Variants in XYLT1 observed in about 807,000 individuals in gnomAD.
The protein encoded by XYLT1 is beta-D-xylosyltransferase 1.
A neutral mutation model predicts 91.3 loss-of-function variants in XYLT1; 36 were observed. The observed-to-expected ratio is 0.39, with a 90% confidence interval of 0.30 to 0.52. The LOEUF (loss-of-function observed/expected upper bound fraction) is 0.52, where lower values mean the gene tolerates loss of function less well. Ranked by LOEUF, XYLT1 falls within the 20% of genes least tolerant of loss-of-function variation. XYLT1 has a pLI of 0.68. For synonymous variants in XYLT1, 588 were observed against 532.0 expected (o/e 1.11, Z -1.45); for missense variants, 1,242 against 1,284.5 (o/e 0.97, Z 0.51).
chr16:17,431,360 T>G (rs977514413), intron 1 of XYLT1, among the ~76,000 whole-genome samples: 1 of 152,134 alleles, frequency 6.6e-6, no homozygotes, highest in Non-Finnish European at 1.5e-5. Flanking sequence ...GGGCTTGAGA[T>G]TCTGCATTCC....
At chr16:17,238,940 T>G (rs2033292522) in intron 3 of XYLT1, among the ~76,000 whole-genome samples, 1 of 152,216 alleles carries the variant, frequency 6.6e-6, no homozygotes, top group African/African-American at 2.4e-5. Flanking sequence ...ATTTTCTAGA[T>G]GCAGTAATTT....
At chr16:17,328,311 C>T (rs575314569) in intron 2 of XYLT1, among the ~76,000 whole-genome samples, 1 of 152,078 alleles carries the variant, frequency 6.6e-6, no homozygotes, top group South Asian at 2.1e-4. Context: ...CTTTGGGAGG[C>T]TGATGTGGGC....
At chr16:17,279,040 T>C (rs886375167) in intron 2 of XYLT1, among the ~76,000 whole-genome samples, 2 of 152,220 alleles carry the variant, frequency 1.3e-5, no homozygotes, top group Non-Finnish European at 2.9e-5. Context: ...ACACCAGGCA[T>C]TCAAGGATTT....
intron 11 of XYLT1, among the ~76,000 whole-genome samples, chr16:17,116,897 C>G (rs575416777): frequency 2.0e-5 from 3 of 152,190 alleles, no homozygotes; most frequent in African/African-American, 7.2e-5. Context: ...TTTAATGAGG[C>G]TGAACATGTT....
At chr16:17,143,395 G>A (rs1386885723) in intron 6 of XYLT1, among the ~76,000 whole-genome samples, 2 of 152,116 alleles carry the variant, frequency 1.3e-5, no homozygotes, top group Non-Finnish European at 1.5e-5. Flanking sequence ...TGCTCCTAAG[G>A]AGCTAGTTAT....
chr16:17,147,298 T>A (rs1049877400), intron 6 of XYLT1, among the ~76,000 whole-genome samples: 1 of 152,240 alleles, frequency 6.6e-6, no homozygotes, highest in Non-Finnish European at 1.5e-5. Flanking sequence ...CTTGAAACTT[T>A]CAATTTTAGA....
chr16:17,381,573 T>C (rs562796789), intron 1 of XYLT1, among the ~76,000 whole-genome samples: 30 of 151,948 alleles, frequency 2.0e-4, no homozygotes, highest in African/African-American at 6.8e-4. Context: ...ATTACAGGCA[T>C]GCACCACCAT....
chr16:17,336,920 A>AT (rs1489565280), intron 2 of XYLT1, among the ~76,000 whole-genome samples: 1 of 152,160 alleles, frequency 6.6e-6, no homozygotes, highest in East Asian at 1.9e-4. Flanking sequence ...GCCAGTGACC[A>AT]TTTTTTTAAA....
chr16:17,278,111 C>A (rs1367839127), intron 2 of XYLT1, among the ~76,000 whole-genome samples: 1 of 152,172 alleles, frequency 6.6e-6, no homozygotes, highest in Non-Finnish European at 1.5e-5. Flanking sequence ...TGGAGAAGTT[C>A]CTTATTCAAG....
chr16:17,188,384 C>A (rs897113349), intron 5 of XYLT1, among the ~76,000 whole-genome samples: 1 of 152,200 alleles, frequency 6.6e-6, no homozygotes, highest in Non-Finnish European at 1.5e-5. Flanking sequence ...CCTCGACCTA[C>A]CTCATTTGTA....
At chr16:17,259,893 A>G (rs1220074280) in intron 2 of XYLT1, among the ~76,000 whole-genome samples, 1 of 152,206 alleles carries the variant, frequency 6.6e-6, no homozygotes, top group African/African-American at 2.4e-5. Flanking sequence ...TGGAAATGAT[A>G]TAATAAAGTT....
chr16:17,230,207 T>C (rs755801798), intron 3 of XYLT1, among the ~76,000 whole-genome samples: 2 of 152,204 alleles, frequency 1.3e-5, no homozygotes, highest in Admixed American at 6.5e-5. Flanking sequence ...CGATTTGTTA[T>C]GGTGGCCGTA....
chr16:17,307,857 G>A lies in XYLT1; in HGVS notation c.403-48359C>T, dbSNP rs917969984. Among the ~76,000 whole-genome samples the A allele has an allele frequency of 2.3e-4, 35 of 152,194 alleles. 1 individual carries two copies. Among genetic ancestry groups the A allele is most frequent in the Admixed American group, 4.6e-4 (7 of 15,282 alleles). On this transcript the variant is annotated intron_variant, in intron 2 of 11. Transcript: ENST00000261381. ...GGGTAAGCACAGCCTCTAAGGAGAG[G>A]GCAGTGAAGGGTTAAAGGTGCACCA...
At chr16:17,177,375 G>T (rs1461619239) in intron 5 of XYLT1, among the ~76,000 whole-genome samples, 1 of 152,140 alleles carries the variant, frequency 6.6e-6, no homozygotes, top group East Asian at 1.9e-4. Context: ...AAGAGAAGGG[G>T]TGATATGCAT....
At chr16:17,280,612 G>T (rs1195422187) in intron 2 of XYLT1, among the ~76,000 whole-genome samples, 1 of 152,060 alleles carries the variant, frequency 6.6e-6, no homozygotes, top group Non-Finnish European at 1.5e-5. Context: ...GAGACAACTG[G>T]GAAGTTCCTC....
At chr16:17,385,275 C>T (rs867511115) in intron 1 of XYLT1, among the ~76,000 whole-genome samples, 15,662 of 137,242 alleles carry the variant, frequency 0.11, 1,075 homozygotes, top group Non-Finnish European at 0.16. Context: ...CACATACACA[C>T]ACACACACAC....
At chr16:17,216,178 C>G (rs942271437) in intron 3 of XYLT1, among the ~76,000 whole-genome samples, 1 of 152,178 alleles carries the variant, frequency 6.6e-6, no homozygotes. Flanking sequence ...TCTCTGCCCT[C>G]GTTTCTCCTC....
intron 1 of XYLT1, among the ~76,000 whole-genome samples, chr16:17,365,083 G>C (rs969951078): frequency 3.9e-5 from 6 of 152,186 alleles, no homozygotes; most frequent in Non-Finnish European, 7.3e-5. Flanking sequence ...AAACTCTTAA[G>C]AGCGTTGGTG....
At chr16:17,201,178 C>A (rs1415718069) in intron 3 of XYLT1, among the ~76,000 whole-genome samples, 1 of 152,148 alleles carries the variant, frequency 6.6e-6, no homozygotes, top group African/African-American at 2.4e-5. Context: ...CCTATTAATA[C>A]AATGTTGTAC....
Sources: gnomAD v4.1 joint callset for allele counts (sites outside exome capture counted in the v4.1 genomes callset) on GRCh38, gnomAD v4.1.1 for gene constraint, MANE v1.5 for transcripts, NCBI Gene and HGNC (gene_info 2026-07-23, HGNC 2026-07-21) for gene names.